Variants in DLG2 observed in about 807,000 individuals in gnomAD.
The protein encoded by DLG2 is disks large homolog 2.
A neutral mutation model predicts 132.5 loss-of-function variants in DLG2; 45 were observed. The observed-to-expected ratio is 0.34, with a 90% confidence interval of 0.27 to 0.44. DLG2 has a LOEUF of 0.44. Among genes scored for constraint, DLG2 ranks in the 20% least tolerant of loss-of-function variants. The probability of loss-of-function intolerance (pLI) is 1.00; values close to 1 mark genes in which losing one functional copy is unlikely to be tolerated. For missense variants in DLG2, 1,045 were observed against 1,196.9 expected, an observed-to-expected ratio of 0.87 and a Z score of 1.87; for synonymous variants, 424 against 419.6, an observed-to-expected ratio of 1.01 and a Z score of -0.13.
At chr11:84,029,226 G>C (rs1191044788) in intron 11 of DLG2, among the ~76,000 whole-genome samples, 1 of 151,998 alleles carries the variant, frequency 6.6e-6, no homozygotes, top group Admixed American at 6.6e-5. Context: ...AAAAGAAAAT[G>C]CTTCAAAACA....
intron 6 of DLG2, among the ~76,000 whole-genome samples, chr11:84,826,014 T>C (rs898330882): frequency 6.6e-6 from 1 of 151,874 alleles, no homozygotes; most frequent in Non-Finnish European, 1.5e-5. Flanking sequence ...GGGGGTTTGT[T>C]GTTGTTTTTT....
At chr11:84,823,745 TTTTG>T (rs1173745742) in intron 6 of DLG2, among the ~76,000 whole-genome samples, 3 of 151,838 alleles carry the variant, frequency 2.0e-5, no homozygotes, top group African/African-American at 7.2e-5. Context: ...CATCTGGGAT[TTTTG>T]TTTGTTTCGT....
intron 7 of DLG2, among the ~76,000 whole-genome samples, chr11:84,460,475 G>A (rs1484759655): frequency 1.3e-5 from 2 of 150,444 alleles, no homozygotes; most frequent in Admixed American, 6.6e-5. Flanking sequence ...TATACACAGA[G>A]TTAGCTCAGG....
intron 6 of DLG2, among the ~76,000 whole-genome samples, chr11:85,004,289 C>T (rs1223442983): frequency 6.6e-6 from 1 of 152,146 alleles, no homozygotes; most frequent in Non-Finnish European, 1.5e-5. Flanking sequence ...TTTGAAGAAT[C>T]GCCAAACTGC....
At chr11:84,380,167 T>A (rs1601043091) in intron 7 of DLG2, among the ~76,000 whole-genome samples, 1 of 152,030 alleles carries the variant, frequency 6.6e-6, no homozygotes, top group East Asian at 1.9e-4. Flanking sequence ...AATTTCAAAA[T>A]AGATGCTCAT....
intron 4 of DLG2, among the ~76,000 whole-genome samples, chr11:85,163,149 T>C (rs1566954616): frequency 1.3e-5 from 2 of 152,122 alleles, no homozygotes; most frequent in Non-Finnish European, 2.9e-5. Flanking sequence ...AGACAACCTA[T>C]TGTGGGACCT....
At chr11:84,187,598 T>A (rs944368015) in intron 8 of DLG2, among the ~76,000 whole-genome samples, 11 of 152,052 alleles carry the variant, frequency 7.2e-5, no homozygotes, top group Non-Finnish European at 1.6e-4. Context: ...CATTTCTTCT[T>A]ATGTCTACCT....
At chr11:83,909,867 C>T (rs1014373187) in intron 15 of DLG2, among the ~76,000 whole-genome samples, 3 of 152,122 alleles carry the variant, frequency 2.0e-5, no homozygotes, top group Non-Finnish European at 1.5e-5. Context: ...CAGGTCAATA[C>T]AAAGAAAGCT....
At chr11:85,419,113 G>A (rs969073265) in intron 3 of DLG2, among the ~76,000 whole-genome samples, 1 of 152,142 alleles carries the variant, frequency 6.6e-6, no homozygotes, top group South Asian at 2.1e-4. Context: ...TTAAGGCCAG[G>A]CCCTGTGGTA....
chr11:84,036,494 T>G (rs1022035422), intron 11 of DLG2, among the ~76,000 whole-genome samples: 1 of 152,110 alleles, frequency 6.6e-6, no homozygotes, highest in African/African-American at 2.4e-5. Context: ...ATTACTAACG[T>G]TTTTAACTCA....
At chr11:84,959,052 G>C (rs2154107398) in intron 6 of DLG2, among the ~76,000 whole-genome samples, 1 of 152,252 alleles carries the variant, frequency 6.6e-6, no homozygotes, top group Non-Finnish European at 1.5e-5. Flanking sequence ...TGCTGCTGAG[G>C]CTGGCTCATT....
chr11:84,418,764 G>A (rs1243181474), intron 7 of DLG2, among the ~76,000 whole-genome samples: 1 of 152,124 alleles, frequency 6.6e-6, no homozygotes, highest in South Asian at 2.1e-4. Context: ...GAATAAATAC[G>A]CTTAGGTTCC....
intron 6 of DLG2, among the ~76,000 whole-genome samples, chr11:85,077,916 A>T (rs2066760123): frequency 6.6e-6 from 1 of 151,330 alleles, no homozygotes; most frequent in Non-Finnish European, 1.5e-5. Context: ...ATTATTTTGC[A>T]TCATTCAACA....
chr11:83,931,227 T>C (rs2080149996), intron 14 of DLG2, among the ~76,000 whole-genome samples: 2 of 152,248 alleles, frequency 1.3e-5, no homozygotes, highest in Non-Finnish European at 2.9e-5. Context: ...TCTTTCCATA[T>C]AATTTGGTCC....
chr11:84,502,266 C>T lies in DLG2; in HGVS notation c.519+32304G>A, dbSNP rs375571659. 8.1e-5 allele frequency among the ~76,000 whole-genome samples: 4 copies of T among 49,410 alleles called. 1 individual carries two copies. Among genetic ancestry groups the T allele is most frequent in the African/African-American group, 5.4e-4 (2 of 3,696 alleles). The allele number at this position is 49,410 out of a possible 152,430, so 32.4% of individuals were successfully genotyped here. A position where few individuals can be genotyped will look rare whatever the true frequency, so the allele number is the denominator to read the frequency against. ...TCCTTCCTTCCTTCCTTCCTTCCTT[C>T]CTTCCTTCCTTCCTTCTTTCTTTCT... is the stretch of plus-strand genomic sequence containing the variant. On this transcript the variant is annotated intron_variant, in intron 7 of 27. Coordinates refer to ENST00000376104, the MANE Select transcript of DLG2 (RefSeq NM_001142699.3).
chr11:85,520,833 C>T (rs970255318), intron 3 of DLG2, among the ~76,000 whole-genome samples: 5 of 152,030 alleles, frequency 3.3e-5, no homozygotes, highest in Non-Finnish European at 5.9e-5. Context: ...AAATTAGACC[C>T]CTATCTCTTG....
chr11:84,702,375 G>T (rs188379192), intron 6 of DLG2, among the ~76,000 whole-genome samples: 82 of 151,734 alleles, frequency 5.4e-4, no homozygotes, highest in African/African-American at 1.9e-3. Context: ...CCATGTGAAT[G>T]GTTCACTATC....
intron 3 of DLG2, among the ~76,000 whole-genome samples, chr11:85,402,856 G>C (rs1423745390): frequency 6.6e-6 from 1 of 152,166 alleles, no homozygotes; most frequent in East Asian, 1.9e-4. Context: ...ATGCTGGAGA[G>C]GATGTGGAAA....
chr11:84,040,270 G>A (rs2096027335), intron 11 of DLG2, among the ~76,000 whole-genome samples: 1 of 151,950 alleles, frequency 6.6e-6, no homozygotes, highest in Non-Finnish European at 1.5e-5. Context: ...ATTGCTTTTG[G>A]TGTTTTGGAC....
Sources: gnomAD v4.1 joint callset for allele counts (sites outside exome capture counted in the v4.1 genomes callset) on GRCh38, gnomAD v4.1.1 for gene constraint, MANE v1.5 for transcripts, NCBI Gene and HGNC (gene_info 2026-07-23, HGNC 2026-07-21) for gene names.